RAB3GAP1: variants seen among roughly 807,000 people sequenced by gnomAD.
The protein encoded by RAB3GAP1 is rab3 GTPase-activating protein catalytic subunit.
RAB3GAP1 carries 86 observed loss-of-function variants against 130.7 expected under a neutral mutation model. That is an observed-to-expected ratio of 0.66 (90% CI 0.55 to 0.79). RAB3GAP1 has a LOEUF of 0.79. RAB3GAP1 is among the 30% of genes least tolerant of loss of function. RAB3GAP1 has a pLI of 0.00. For synonymous variants in RAB3GAP1, 367 were observed against 401.7 expected, an observed-to-expected ratio of 0.91 and a Z score of 1.03; for missense variants, 1,029 against 1,169.4, an observed-to-expected ratio of 0.88 and a Z score of 1.75.
chr2:135,104,578 C>G (rs1000785334), intron 5 of RAB3GAP1, among the ~76,000 whole-genome samples: 6 of 152,038 alleles, frequency 3.9e-5, no homozygotes, highest in African/African-American at 1.4e-4. Flanking sequence ...GGCGGCCAGG[C>G]GTGGTGGCTC....
chr2:135,123,603 G>A (rs1298291686), intron 8 of RAB3GAP1, among the ~76,000 whole-genome samples: 1 of 152,084 alleles, frequency 6.6e-6, no homozygotes, highest in Non-Finnish European at 1.5e-5. Context: ...AGGAGAGATA[G>A]AACTAAGGGA....
At chr2:135,136,132 T>G (rs1691674775) in intron 17 of RAB3GAP1, among the ~76,000 whole-genome samples, 200 bp downstream of exon 17, 2 of 152,092 alleles carry the variant, frequency 1.3e-5, no homozygotes, top group South Asian at 4.2e-4. Flanking sequence ...TCAAGATAAG[T>G]CTGGCCAACA....
At chr2:135,098,206 T>G (rs911451410) in intron 5 of RAB3GAP1, among the ~76,000 whole-genome samples, 6 of 152,152 alleles carry the variant, frequency 3.9e-5, no homozygotes, top group African/African-American at 7.2e-5. Flanking sequence ...TTTTCTTTTT[T>G]GGGGGTGGGG....
chr2:135,117,687 T>TCTTCTG (rs1558784650), intron 7 of RAB3GAP1, among the ~76,000 whole-genome samples: 11 of 112,470 alleles, frequency 9.8e-5, no homozygotes, highest in South Asian at 2.7e-4. Flanking sequence ...TGCTTCTGCT[T>TCTTCTG]CTTCTTCTGC....
rs560295742 is a variant in RAB3GAP1, at chr2:135,158,912, T to TGTG, written c.2290-3643_2290-3642insGTG. On this transcript the variant is annotated intron_variant, in intron 19 of 23. Transcript: ENST00000264158. ...TCTTAGTCTAATTGTGAGGGAACAT[T>TGTG]AGATGAACCCAAAATGAGGAACATT... Among the ~76,000 whole-genome samples, 680 of 152,268 alleles carry TGTG rather than the reference T, an allele frequency of 4.5e-3. 3 individuals carry two copies. Among genetic ancestry groups the TGTG allele is most frequent in the Middle Eastern group, 0.01 (3 of 294 alleles).
intron 11 of RAB3GAP1, among the ~76,000 whole-genome samples, chr2:135,126,969 G>C (rs1289778114): frequency 6.6e-6 from 1 of 151,862 alleles, no homozygotes; most frequent in Non-Finnish European, 1.5e-5. Context: ...TCTGCCTCCC[G>C]GGTTCAAGTG....
chr2:135,073,854 T>G (rs966669292), intron 3 of RAB3GAP1, among the ~76,000 whole-genome samples: 1 of 152,148 alleles, frequency 6.6e-6, no homozygotes, highest in Non-Finnish European at 1.5e-5. Flanking sequence ...CTGAGGGAAT[T>G]GAGGGGCTTC....
intron 5 of RAB3GAP1, among the ~76,000 whole-genome samples, chr2:135,106,981 T>C (rs778066747): frequency 5.9e-5 from 9 of 151,520 alleles, no homozygotes; most frequent in South Asian, 2.1e-4. Context: ...GAAAATCTTA[T>C]AGGCAGCAAG....
At chr2:135,095,886 C>T (rs1690279292) in intron 5 of RAB3GAP1, among the ~76,000 whole-genome samples, 1 of 151,844 alleles carries the variant, frequency 6.6e-6, no homozygotes, top group Non-Finnish European at 1.5e-5. Context: ...GAGTATAGTA[C>T]AATAAGATAT....
At chr2:135,131,332 TCTC>T (rs1437201411) in intron 13 of RAB3GAP1, among the ~76,000 whole-genome samples, 1 of 152,154 alleles carries the variant, frequency 6.6e-6, no homozygotes, top group Non-Finnish European at 1.5e-5. Flanking sequence ...TTCAAGCAAT[TCTC>T]CTGCCTCAGC....
At chr2:135,072,297 G>A (rs952703108) in intron 3 of RAB3GAP1, among the ~76,000 whole-genome samples, 13 of 152,184 alleles carry the variant, frequency 8.5e-5, no homozygotes, top group African/African-American at 3.1e-4. Context: ...ATCCAGGGAA[G>A]ATTCATAAAA....
At chr2:135,143,904 C>T (rs545933074) in intron 17 of RAB3GAP1, among the ~76,000 whole-genome samples, 1 of 152,336 alleles carries the variant, frequency 6.6e-6, no homozygotes, top group African/African-American at 2.4e-5. Flanking sequence ...TGTCATAATT[C>T]CTGAATATGT....
intron 5 of RAB3GAP1, among the ~76,000 whole-genome samples, chr2:135,111,274 C>T (rs1010626770): frequency 1.3e-5 from 2 of 151,882 alleles, no homozygotes; most frequent in Non-Finnish European, 2.9e-5. Context: ...TGAGTAAAAT[C>T]TCTCATAAGT....
At chr2:135,086,326 C>T (rs747141509) in intron 3 of RAB3GAP1, among the ~76,000 whole-genome samples, 1 of 152,060 alleles carries the variant, frequency 6.6e-6, no homozygotes, top group Non-Finnish European at 1.5e-5. Flanking sequence ...TCATTTTATG[C>T]TCTTAGCCGT....
intron 5 of RAB3GAP1, among the ~76,000 whole-genome samples, chr2:135,103,370 G>A (rs995825785): frequency 1.8e-4 from 28 of 151,834 alleles, no homozygotes; most frequent in Non-Finnish European, 1.3e-4. Flanking sequence ...TTTTTTCCTG[G>A]TAATAGAGAT....
At chr2:135,129,356 G>A (rs1288087668) in intron 11 of RAB3GAP1, among the ~76,000 whole-genome samples, 47 of 151,610 alleles carry the variant, frequency 3.1e-4, no homozygotes, top group African/African-American at 1.1e-3. Context: ...GGAGGCTGAG[G>A]CAGGAGAATG....
intron 5 of RAB3GAP1, among the ~76,000 whole-genome samples, chr2:135,106,079 C>G (rs1234293949): frequency 1.3e-5 from 2 of 152,010 alleles, no homozygotes; most frequent in Non-Finnish European, 2.9e-5. Context: ...GGCCCGGCAG[C>G]CGCCCCATCC....
At chr2:135,166,123 G>C (rs903386818) in intron 23 of RAB3GAP1, among the ~76,000 whole-genome samples, 1 of 150,086 alleles carries the variant, frequency 6.7e-6, no homozygotes, top group Non-Finnish European at 1.5e-5. Flanking sequence ...AGTGAGCTGA[G>C]ATCATGCCAC....
intron 7 of RAB3GAP1, among the ~76,000 whole-genome samples, chr2:135,117,669 G>A (rs62170233): frequency 5.5e-5 from 1 of 18,330 alleles, no homozygotes. Flanking sequence ...TTCTGCTTCT[G>A]CTTCTTCTGC....
Sources: allele counts gnomAD v4.1 joint callset (sites outside exome capture counted in the v4.1 genomes callset), GRCh38; gene constraint gnomAD v4.1.1; transcripts MANE v1.5; gene names NCBI Gene and HGNC (gene_info 2026-07-23, HGNC 2026-07-21).